ZNF90: variants seen among roughly 807,000 people sequenced by gnomAD.
ZNF90 encodes the protein zinc finger protein 90, also known as zinc finger protein HTF9.
In ZNF90, 11 loss-of-function variants were observed where a neutral mutation model predicts 12.0. The observed-to-expected ratio is 0.92, with a 90% CI of 0.58 to 1.52. The LOEUF is 1.52. ZNF90 is among the 40% of genes most tolerant of loss of function. The pLI is 0.00. For missense variants in ZNF90, 765 were observed against 711.5 expected (o/e 1.08, Z -0.86); for synonymous variants, 232 against 240.1 (o/e 0.97, Z 0.31).
rs2089170360 is a variant in ZNF90 at position 20,118,914 on chromosome 19, A to G, written c.1360A>G (p.Lys454Glu). Residue 454 changes from lysine (K) to glutamate (E), a missense_variant, in exon 4 of 4, where the codon AAA becomes GAA. Coordinates refer to ENST00000418063, the MANE Select transcript of ZNF90 (RefSeq NM_007138.2). ...KIIHSGEKPY[K>E]CEECGKAFKR... is the part of the protein sequence containing the mutation. ...AATTCATAGTGGAGAGAAACCCTAC[A>G]AATGTGAAGAATGTGGCAAAGCCTT... The G allele has an allele frequency of 6.2e-7, 1 of 1,613,470 alleles. No homozygotes were observed. Among genetic ancestry groups the G allele is most frequent in the Non-Finnish European group, 8.5e-7 (1 of 1,179,718 alleles).
At chr19:20,085,833 ATTATCT>A (rs1406601858) in intron 1 of ZNF90, among the ~76,000 whole-genome samples, 1 of 152,150 alleles carries the variant, frequency 6.6e-6, no homozygotes, top group Non-Finnish European at 1.5e-5. Flanking sequence ...CTGACTCCAG[ATTATCT>A]TTATCTAGTA....
chr19:20,110,379 A>C (rs527543981), intron 3 of ZNF90, among the ~76,000 whole-genome samples: 2 of 152,004 alleles, frequency 1.3e-5, no homozygotes, highest in Non-Finnish European at 2.9e-5. Context: ...CCTGGGTTCA[A>C]GCAATTCTCC....
chr19:20,085,266 G>T (rs1413308573), intron 1 of ZNF90, among the ~76,000 whole-genome samples: 1 of 73,526 alleles, frequency 1.4e-5, no homozygotes, highest in African/African-American at 6.9e-5. Flanking sequence ...TGTTGCATTG[G>T]TCTTTTTTTT....
intron 1 of ZNF90, among the ~76,000 whole-genome samples, chr19:20,098,514 A>G (rs1403539220): frequency 1.3e-5 from 2 of 152,252 alleles, no homozygotes; most frequent in African/African-American, 4.8e-5. Flanking sequence ...GACCACAACT[A>G]TATTTACCTG....
intron 1 of ZNF90, chr19:20,079,725 CAGGAGCTTGAG>C: frequency 5.2e-6 from 1 of 193,632 alleles, no homozygotes; most frequent in Admixed American, 5.6e-5. Flanking sequence ...GCTCAAAGTT[CAGGAGCTTGAG>C]GGAGGCATAT....
rs1409161496 is a variant in ZNF90, at chr19:20,120,925, TG to T, written c.*1568del. The T allele has an allele frequency of 6.6e-6, 1 of 152,286 alleles. No individual in the cohort carries two copies. Among genetic ancestry groups the T allele is most frequent in the Non-Finnish European group, 1.5e-5 (1 of 68,082 alleles). The allele number at this position is 152,286 out of a possible 1,614,324, so 9.4% of individuals were successfully genotyped here. A position where few individuals can be genotyped will look rare whatever the true frequency, so the allele number is the denominator to read the frequency against. On this transcript the variant is annotated 3_prime_UTR_variant, in exon 4 of 4. Transcript: ENST00000418063. ...ATCAGAGATATTACAGATTCTTTAT[TG>T]GGCATTCCTTATAACCTTTTCTATT...
At chr19:20,106,023 T>C (rs2089032675) in intron 3 of ZNF90, among the ~76,000 whole-genome samples, 1 of 149,496 alleles carries the variant, frequency 6.7e-6, no homozygotes, top group Non-Finnish European at 1.5e-5. Flanking sequence ...TAAAATTTAT[T>C]TGGAACTTCT....
chr19:20,083,515 C>T (rs1555701753), intron 1 of ZNF90, among the ~76,000 whole-genome samples: 2 of 151,858 alleles, frequency 1.3e-5, no homozygotes, highest in Non-Finnish European at 2.9e-5. Context: ...TTAGTAGCAA[C>T]AGGGTTTCTC....
chr19:20,105,930 A>C (rs1400535348), intron 3 of ZNF90, among the ~76,000 whole-genome samples: 2 of 152,002 alleles, frequency 1.3e-5, no homozygotes, highest in Non-Finnish European at 2.9e-5. Flanking sequence ...TTTGCTAGGA[A>C]GTTTATTGAA....
chr19:20,110,347 T>C (rs150184486), intron 3 of ZNF90, among the ~76,000 whole-genome samples: 8,452 of 152,128 alleles, frequency 0.056, 257 homozygotes, highest in Middle Eastern at 0.078. Context: ...GGTGTGATCT[T>C]GGCTCACTGC....
Position 20,104,174 on chromosome 19 carries a change from C to G in ZNF90, c.4-65C>G, listed in dbSNP as rs1470370664. The G allele has an allele frequency of 1.1e-5, 18 of 1,603,022 alleles. No individual in the cohort carries two copies. In the East Asian group the frequency reaches 2.9e-4, roughly 26 times the overall value. On this transcript the variant is annotated intron_variant, in intron 1 of 3. Transcript: ENST00000418063. ...TTTACTCTCCAATTTCACCTTAACT[C>G]AAATTACAAACTTTGCCCATGACCA...
chr19:20,090,310 A>G (rs1300867447), intron 1 of ZNF90, among the ~76,000 whole-genome samples: 1 of 152,110 alleles, frequency 6.6e-6, no homozygotes, highest in Admixed American at 6.5e-5. Context: ...GAACAGACCT[A>G]ATAGAATGAA....
At position 20,119,410 on chromosome 19, in the gene ZNF90, A is replaced by G; in HGVS notation, c.*50A>G. 6.7e-7 allele frequency: 1 copy of G among 1,484,598 alleles called. No homozygotes were observed. The highest frequency in any genetic ancestry group is 9.1e-7 in the Non-Finnish European group (1 of 1,102,128). The allele number at this position is 1,484,598 out of a possible 1,614,324, so 92.0% of individuals were successfully genotyped here. A position where few individuals can be genotyped will look rare whatever the true frequency, so the allele number is the denominator to read the frequency against. On this transcript the variant is annotated 3_prime_UTR_variant, in exon 4 of 4. Transcript: ENST00000418063. ...ATAAGATAATTCATACTGGAGAGAA[A>G]CCGTATAAATGTGATGACTGTTGGA...
intron 2 of ZNF90, among the ~76,000 whole-genome samples, chr19:20,104,642 A>G (rs1330655265): frequency 6.6e-6 from 1 of 152,186 alleles, no homozygotes; most frequent in Non-Finnish European, 1.5e-5. Context: ...CTCCACCTGA[A>G]AATCTAATTG....
chr19:20,107,085 G>T (rs782668080), intron 3 of ZNF90: 46 of 442,878 alleles, frequency 1.0e-4, no homozygotes, highest in Non-Finnish European at 1.7e-4. Context: ...CATTTCCTCA[G>T]GTAACTGTGT....
intron 3 of ZNF90, among the ~76,000 whole-genome samples, chr19:20,113,008 A>C (rs7248621): frequency 0.12 from 17,725 of 152,094 alleles, 1,519 homozygotes; most frequent in African/African-American, 0.25. Context: ...TGTATATGAC[A>C]ATATTTAACT....
At chr19:20,108,871 C>T (rs149870415) in intron 3 of ZNF90, among the ~76,000 whole-genome samples, 4 of 151,470 alleles carry the variant, frequency 2.6e-5, no homozygotes, top group East Asian at 3.9e-4. Context: ...GGACTACAGG[C>T]GTGCCACCAC....
intron 1 of ZNF90, among the ~76,000 whole-genome samples, chr19:20,088,260 G>A (rs1340120754): frequency 3.9e-5 from 6 of 151,986 alleles, no homozygotes; most frequent in Non-Finnish European, 7.4e-5. Context: ...TGCTTCAAGC[G>A]GGATTGGGGG....
chr19:20,101,326 G>T (rs1406347340), intron 1 of ZNF90, among the ~76,000 whole-genome samples: 3 of 152,212 alleles, frequency 2.0e-5, no homozygotes, highest in African/African-American at 7.2e-5. Flanking sequence ...ATGGCCCAAG[G>T]TTCCATTCCT....
Sources: allele counts gnomAD v4.1 joint callset (sites outside exome capture counted in the v4.1 genomes callset), GRCh38; gene constraint gnomAD v4.1.1; transcripts MANE v1.5; gene names NCBI Gene and HGNC (gene_info 2026-07-23, HGNC 2026-07-21).